TDO2: variants seen among roughly 807,000 people sequenced by gnomAD.
The protein encoded by TDO2 is tryptamin 2,3-dioxygenase.
In TDO2, 63 loss-of-function variants were observed where a neutral mutation model predicts 61.2. The ratio of observed to expected loss-of-function variants is 1.03; its 90% CI spans 0.84 to 1.27. TDO2 has a LOEUF of 1.27. TDO2 is among the 50% of genes most tolerant of loss of function. The pLI is 0.00. For synonymous variants in TDO2, 183 were observed against 164.0 expected (o/e 1.12, Z -0.89); for missense variants, 494 against 469.5 (o/e 1.05, Z -0.48).
At chr4:155,916,173 T>A (rs985996168) in intron 9 of TDO2, among the ~76,000 whole-genome samples, 8 of 143,504 alleles carry the variant, frequency 5.6e-5, no homozygotes, top group African/African-American at 2.1e-4. Flanking sequence ...CCTTTTTTTT[T>A]TTTTTTTTTT....
At chr4:155,910,466 C>T (rs572929598) in intron 6 of TDO2, among the ~76,000 whole-genome samples, 4 of 152,182 alleles carry the variant, frequency 2.6e-5, no homozygotes, top group African/African-American at 7.2e-5. Context: ...CTTATCATCT[C>T]AATAAAACAA....
intron 9 of TDO2, 86 bp from the exon 10 acceptor site, chr4:155,917,309 G>T: frequency 9.0e-7 from 1 of 1,111,858 alleles, no homozygotes; most frequent in Non-Finnish European, 1.3e-6. Context: ...TTGTTTCCAG[G>T]GCCAACTGAT....
intron 6 of TDO2, among the ~76,000 whole-genome samples, chr4:155,911,260 T>C (rs1266085969): frequency 1.3e-5 from 2 of 151,988 alleles, no homozygotes; most frequent in Non-Finnish European, 2.9e-5. Flanking sequence ...ACATATTTCT[T>C]AAGAAATAAA....
At chr4:155,904,479 A>G (rs538633876) in intron 2 of TDO2, among the ~76,000 whole-genome samples, 1 of 152,314 alleles carries the variant, frequency 6.6e-6, no homozygotes, top group Non-Finnish European at 1.5e-5. Flanking sequence ...ATCTTGAAAA[A>G]GTTCTCCTTT....
rs555221814 is a variant in TDO2 at position 155,905,142 on chromosome 4, A to T, written c.217A>T (p.Ile73Phe). ...GNKIHDEHLF[I>F]ITHQAYELWF... ...TAAAATCCATGATGAACATCTTTTT[A>T]TCATAACTCATCAAGGTAAGTTGCA... Residue 73 changes from isoleucine to phenylalanine, a missense_variant, in exon 3 of 12, where the codon ATC becomes TTC. Coordinates refer to ENST00000536354, the MANE Select transcript of TDO2 (RefSeq NM_005651.4). The T allele has an allele frequency of 6.3e-7, 1 of 1,591,688 alleles. No individual in the cohort carries two copies. Among genetic ancestry groups the T allele is most frequent in the Admixed American group, 1.8e-5 (1 of 56,898 alleles).
chr4:155,908,762 A>T, intron 4 of TDO2, 125 bp from the exon 5 acceptor site: 1 of 1,196,480 alleles, frequency 8.4e-7, no homozygotes, highest in Non-Finnish European at 1.1e-6. Context: ...TGCAAATTTT[A>T]GTTTCAAAGT....
chr4:155,908,594 A>G (rs1355429013), intron 4 of TDO2, among the ~76,000 whole-genome samples: 3 of 152,244 alleles, frequency 2.0e-5, no homozygotes. Flanking sequence ...TCTTTGAAAC[A>G]AAACTAAAAG....
At position 155,905,166 on chromosome 4, in the gene TDO2, C is replaced by A; in HGVS notation, c.232+9C>A. On this transcript the variant is annotated intron_variant, in intron 3 of 11. Coordinates refer to ENST00000536354, the MANE Select transcript of TDO2 (RefSeq NM_005651.4). ...TATCATAACTCATCAAGGTAAGTTG[C>A]ACAAAGGTTTTGGACAATATTCCAC... The A allele has an allele frequency of 6.4e-7, 1 of 1,565,396 alleles. No homozygotes were observed. The highest frequency in any genetic ancestry group is 8.6e-7 in the Non-Finnish European group (1 of 1,156,074).
In TDO2 at chr4:155,919,917, CA is replaced by C. The variant is rs1236457751; in HGVS notation, c.1150del (p.Thr384ProfsTer47). 2.5e-6 allele frequency: 4 copies of C among 1,613,382 alleles called. No individual in the cohort carries two copies. The highest frequency in any genetic ancestry group is 3.4e-6 in the Non-Finnish European group (4 of 1,179,600). ...IPRHWIPKMN[P>X]TIHKFLYTAE... ...CGACACTGGATACCGAAGATGAACCCAACCATTCACAAATTTCTATATACAG... is the reference window on the plus strand; with the variant it reads ...CGACACTGGATACCGAAGATGAACCCACCATTCACAAATTTCTATATACAG... On this transcript the variant is annotated frameshift_variant, in exon 12 of 12. Coordinates refer to ENST00000536354, the MANE Select transcript of TDO2 (RefSeq NM_005651.4). LOFTEE classifies it high-confidence loss of function.
chr4:155,917,568 C>G, intron 10 of TDO2, 94 bp downstream of exon 10: 1 of 993,152 alleles, frequency 1.0e-6, no homozygotes, highest in Non-Finnish European at 1.5e-6. Context: ...CCCACTTTCT[C>G]TCTTTCCCCC....
chr4:155,905,361 A>G (rs1742700473), intron 3 of TDO2: 4 of 460,776 alleles, frequency 8.7e-6, no homozygotes, highest in Non-Finnish European at 1.5e-5. Context: ...CTCCTCTGCT[A>G]ATAGGTGAAG....
At chr4:155,909,064 T>A in intron 5 of TDO2, 50 bp downstream of exon 5, 1 of 1,527,446 alleles carries the variant, frequency 6.5e-7, no homozygotes, top group Non-Finnish European at 8.8e-7. Context: ...ACTTTCTCAT[T>A]TTGGTGGGGT....
At position 155,903,739 on chromosome 4, in the gene TDO2, T is replaced by A. The variant is rs749112799; in HGVS notation, c.-20T>A. On this transcript the variant is annotated 5_prime_UTR_variant, in exon 1 of 12. Transcript: ENST00000536354. ...GCCTAGAGTCAAACCTCCGTGCTTCTCAGACAGTGCCTTTTCACCATGAGT... is the reference window on the plus strand; with the variant it reads ...GCCTAGAGTCAAACCTCCGTGCTTCACAGACAGTGCCTTTTCACCATGAGT... 1.9e-5 allele frequency: 30 copies of A among 1,614,188 alleles called. No individual in the cohort carries two copies. In the South Asian group the frequency reaches 2.3e-4, roughly 12 times the overall value.
intron 11 of TDO2, among the ~76,000 whole-genome samples, chr4:155,919,392 C>T (rs1743003249): frequency 6.6e-6 from 1 of 152,138 alleles, no homozygotes. Context: ...TATTATGAGT[C>T]TAAGATGGCA....
At chr4:155,918,473 T>G (rs1742984906) in intron 11 of TDO2, among the ~76,000 whole-genome samples, 1 of 152,212 alleles carries the variant, frequency 6.6e-6, no homozygotes, top group African/African-American at 2.4e-5. Flanking sequence ...TATCAATGGC[T>G]GCATGATATG....
At chr4:155,906,325 A>G (rs116058095) in intron 3 of TDO2, 4 of 152,304 alleles carry the variant, frequency 2.6e-5, no homozygotes, top group Admixed American at 6.5e-5. Context: ...CAGTGGTTAC[A>G]TAGGGTTAAA....
chr4:155,909,826 C>T (rs150339142), intron 5 of TDO2, among the ~76,000 whole-genome samples, 199 bp from the exon 6 acceptor site: 2 of 144,894 alleles, frequency 1.4e-5, no homozygotes, highest in African/African-American at 2.6e-5. Flanking sequence ...CAGCTCTTCT[C>T]TTCTCTCCTC....
chr4:155,910,226 A>G lies in TDO2; in HGVS notation c.618+15A>G, dbSNP rs201522196. The stretch of plus-strand genomic sequence containing the variant: ...AATTAGTGGAGGTATGGATTCATAC[A>G]ATTTATAAAGTTTAACTCAATACAT... On this transcript the variant is annotated intron_variant, in intron 6 of 11. Coordinates refer to ENST00000536354, the MANE Select transcript of TDO2 (RefSeq NM_005651.4). 1.9e-6 allele frequency: 3 copies of G among 1,540,066 alleles called. No homozygotes were observed. Among genetic ancestry groups the G allele is most frequent in the Admixed American group, 2.3e-5 (1 of 42,776 alleles).
rs1579333687 is a variant in TDO2 at position 155,920,114 on chromosome 4, T to C, written c.*124T>C. On this transcript the variant is annotated 3_prime_UTR_variant, in exon 12 of 12. Coordinates refer to ENST00000536354, the MANE Select transcript of TDO2 (RefSeq NM_005651.4). Reference sequence around the variant, plus strand: ...TTGTTCAGCACCACGATGCTCTGATTTAATTCTAGAAACAATTTGATTACC... The same window carrying C: ...TTGTTCAGCACCACGATGCTCTGATCTAATTCTAGAAACAATTTGATTACC... 1 of 860,246 alleles carries C rather than the reference T, an allele frequency of 1.2e-6. No individual in the cohort carries two copies. The highest frequency in any genetic ancestry group is 2.7e-5 in the East Asian group (1 of 36,960). 53.3% of individuals were successfully genotyped at this position (860,246 alleles called of 1,614,324 possible).
Sources: gnomAD v4.1 joint callset for allele counts (sites outside exome capture counted in the v4.1 genomes callset) on GRCh38, gnomAD v4.1.1 for gene constraint, MANE v1.5 for transcripts, NCBI Gene and HGNC (gene_info 2026-07-23, HGNC 2026-07-21) for gene names.